SPMIP7: variants seen among roughly 807,000 people sequenced by gnomAD.
SPMIP7 encodes the protein protein SPMIP7.
chr7:50,118,516 A>G, the SPMIP7 span, among the ~76,000 whole-genome samples: 1 of 152,338 alleles, frequency 6.6e-6, no homozygotes, highest in South Asian at 2.1e-4. Flanking sequence ...GTATATTTAC[A>G]TGTTATCTGG....
At chr7:50,115,990 C>T in the SPMIP7 span, among the ~76,000 whole-genome samples, 1 of 152,134 alleles carries the variant, frequency 6.6e-6, no homozygotes. Context: ...TTAGCCAGCC[C>T]AGTTAAGCAA....
the SPMIP7 span, among the ~76,000 whole-genome samples, chr7:50,125,951 G>C: frequency 1.3e-5 from 2 of 152,020 alleles, no homozygotes; most frequent in Admixed American, 6.6e-5. Flanking sequence ...TGTGACAAGA[G>C]AAAGATTTTT....
At chr7:50,108,790 GA>G in the SPMIP7 span, among the ~76,000 whole-genome samples, 8 of 152,194 alleles carry the variant, frequency 5.3e-5, no homozygotes, top group East Asian at 1.3e-3. Context: ...TAATTAATTA[GA>G]AAAAAGTTAA....
the SPMIP7 span, chr7:50,120,460 A>C: frequency 6.6e-6 from 1 of 152,214 alleles, no homozygotes; most frequent in East Asian, 1.9e-4. Context: ...GTACGGTGTT[A>C]GATCTCTTCT....
the SPMIP7 span, among the ~76,000 whole-genome samples, chr7:50,130,031 G>A: frequency 1.3e-5 from 2 of 152,084 alleles, no homozygotes; most frequent in South Asian, 2.1e-4. Flanking sequence ...GAGGGAGTGG[G>A]GGGATAAGAG....
the SPMIP7 span, among the ~76,000 whole-genome samples, chr7:50,127,126 C>T: frequency 6.6e-6 from 1 of 152,022 alleles, no homozygotes; most frequent in East Asian, 1.9e-4. Context: ...AACTCATCTT[C>T]AACAAAGGCT....
the SPMIP7 span, among the ~76,000 whole-genome samples, chr7:50,150,001 A>T: frequency 0.82 from 123,925 of 151,936 alleles, 50,564 homozygotes; most frequent in East Asian, 0.92. Flanking sequence ...GGAACCGGGG[A>T]CTGAATCTTC....
the SPMIP7 span, among the ~76,000 whole-genome samples, chr7:50,154,197 T>A: frequency 6.6e-6 from 1 of 152,174 alleles, no homozygotes; most frequent in African/African-American, 2.4e-5. Context: ...GTGAACACAT[T>A]AATATCCGTC....
chr7:50,136,420 A>G, the SPMIP7 span, among the ~76,000 whole-genome samples: 2 of 149,792 alleles, frequency 1.3e-5, no homozygotes, highest in Non-Finnish European at 3.0e-5. Flanking sequence ...AATCCCAGCT[A>G]CTTGGGAGGC....
chr7:50,100,487 A>C, the SPMIP7 span, among the ~76,000 whole-genome samples: 3 of 152,322 alleles, frequency 2.0e-5, no homozygotes, highest in African/African-American at 7.2e-5. Context: ...CCATCTTGCT[A>C]AGGTCATTCC....
the SPMIP7 span, among the ~76,000 whole-genome samples, chr7:50,106,155 C>T: frequency 8.2e-3 from 1,251 of 152,236 alleles, 6 homozygotes; most frequent in Non-Finnish European, 0.012. Flanking sequence ...GATTAATGTT[C>T]CTTTTTTCTA....
At chr7:50,095,935 CAA>C in the SPMIP7 span, 1 of 545,154 alleles carries the variant, frequency 1.8e-6, no homozygotes, top group Middle Eastern at 5.2e-4. Context: ...AAAAGAAAAA[CAA>C]AATTATCTGC....
At chr7:50,147,295 G>A in the SPMIP7 span, among the ~76,000 whole-genome samples, 6 of 152,140 alleles carry the variant, frequency 3.9e-5, no homozygotes, top group Admixed American at 1.3e-4. Flanking sequence ...CTCCTGGCTG[G>A]GCTGGGAGTA....
chr7:50,141,336 G>T, the SPMIP7 span: 8 of 1,552,010 alleles, frequency 5.2e-6, no homozygotes, highest in Non-Finnish European at 7.0e-6. Context: ...GGGAGACATC[G>T]CATCGCTAGC....
chr7:50,105,332 C>G, the SPMIP7 span, among the ~76,000 whole-genome samples: 656 of 152,286 alleles, frequency 4.3e-3, 1 homozygote, highest in African/African-American at 0.013. Context: ...TTTATTACCT[C>G]AAGAAAACCC....
At chr7:50,159,108 TC>T in the SPMIP7 span, 1 of 1,551,846 alleles carries the variant, frequency 6.4e-7, no homozygotes, top group South Asian at 1.2e-5. Context: ...TCTCGACTGG[TC>T]ACAACTGTGA....
the SPMIP7 span, among the ~76,000 whole-genome samples, chr7:50,134,431 G>A: frequency 2.6e-5 from 4 of 151,988 alleles, no homozygotes; most frequent in African/African-American, 4.8e-5. Flanking sequence ...TTCCGTAATC[G>A]TGCAAGTTAT....
chr7:50,145,616 GTGTATATATATATATATATATATA>G, the SPMIP7 span, among the ~76,000 whole-genome samples: 3 of 26,946 alleles, frequency 1.1e-4, 1 homozygote, highest in East Asian at 4.5e-3. Context: ...GTATATGTGT[GTGTATATATATATATATATATATA>G]TATATATATA....
At chr7:50,096,081 A>G in the SPMIP7 span, 1 of 1,454,250 alleles carries the variant, frequency 6.9e-7, no homozygotes, top group Non-Finnish European at 9.1e-7. Context: ...CTAAAGAAAA[A>G]GGCCATGGAT....
Sources: gnomAD v4.1 joint callset for allele counts (sites outside exome capture counted in the v4.1 genomes callset) on GRCh38, gnomAD v4.1.1 for gene constraint, MANE v1.5 for transcripts, NCBI Gene and HGNC (gene_info 2026-07-23, HGNC 2026-07-21) for gene names.